Variants in CD226 observed in about 807,000 individuals in gnomAD.
CD226 encodes the protein CD226 antigen.
CD226 carries 24 observed loss-of-function variants against 34.9 expected under a neutral mutation model. The ratio of observed to expected loss-of-function variants is 0.69; its 90% CI spans 0.50 to 0.97. CD226 has a LOEUF of 0.97. CD226 is among the 50% of genes least tolerant of loss of function. The probability of loss-of-function intolerance (pLI) is 0.00; values close to 1 mark genes in which losing one functional copy is unlikely to be tolerated. For synonymous variants in CD226, 148 were observed against 147.4 expected, an observed-to-expected ratio of 1.00 and a Z score of -0.03; for missense variants, 397 against 412.7, an observed-to-expected ratio of 0.96 and a Z score of 0.33.
chr18:69,949,864 ACT>A (rs566479053), upstream of CD226, among the ~76,000 whole-genome samples: 126 of 151,490 alleles, frequency 8.3e-4, no homozygotes, highest in Admixed American at 1.4e-3. Context: ...ACACGTTATC[ACT>A]CACATATGCA....
chr18:69,938,280 C>G (rs541168454), intron 2 of CD226, among the ~76,000 whole-genome samples: 1 of 152,294 alleles, frequency 6.6e-6, no homozygotes, highest in African/African-American at 2.4e-5. Context: ...TTCACCTGTT[C>G]ACTTTCCTCT....
At chr18:69,960,782 G>A (rs1688303346), upstream of CD226, among the ~76,000 whole-genome samples, 1 of 152,058 alleles carries the variant, frequency 6.6e-6, no homozygotes, top group African/African-American at 2.4e-5. Context: ...TCCTTTCCTG[G>A]GAAAGACTTA....
chr18:69,902,897 A>G (rs1373737560), intron 2 of CD226, among the ~76,000 whole-genome samples: 3 of 152,108 alleles, frequency 2.0e-5, no homozygotes, highest in Non-Finnish European at 4.4e-5. Flanking sequence ...TGCCTAGACT[A>G]TGAATATGCT....
chr18:69,915,504 C>A (rs189273108), intron 2 of CD226, among the ~76,000 whole-genome samples: 1 of 152,274 alleles, frequency 6.6e-6, no homozygotes, highest in Admixed American at 6.5e-5. Context: ...GAAGCTAGGT[C>A]AGAAAGAACT....
rs779418816 is a variant in CD226, at chr18:69,946,857, C to G, written c.259G>C (p.Ala87Pro). 1.2e-6 allele frequency: 2 copies of G among 1,613,982 alleles called. No homozygotes were observed. The highest frequency in any genetic ancestry group is 1.7e-6 in the Non-Finnish European group (2 of 1,180,002). The change falls in exon 2 of 6, where the codon GCT becomes CCT. Residue 87 changes from alanine to proline, a missense_variant. Physicochemically the swap from Ala to Pro is conservative, Grantham distance 27. Coordinates refer to ENST00000582621, the MANE Select transcript of CD226 (RefSeq NM_001303618.2). ...ERVYFLNSTMASNNMTLFFRN... is the reference protein window; with the variant it reads ...ERVYFLNSTMPSNNMTLFFRN... The stretch of plus-strand genomic sequence containing the variant: ...AAGAAAAGAGTCATGTTATTGGAAG[C>G]CATCGTTGAATTCAAAAAGTAAACC...
chr18:69,910,668 G>A (rs1462465969), intron 2 of CD226, among the ~76,000 whole-genome samples: 1 of 152,106 alleles, frequency 6.6e-6, no homozygotes, highest in Non-Finnish European at 1.5e-5. Flanking sequence ...CTGAGTTAAC[G>A]GTAGTATACT....
chr18:69,924,934 C>G (rs2055503215), intron 2 of CD226, among the ~76,000 whole-genome samples: 1 of 152,156 alleles, frequency 6.6e-6, no homozygotes, highest in African/African-American at 2.4e-5. Context: ...AACAAGGACA[C>G]TAAAGGGATT....
chr18:69,944,717 T>G (rs915735308), intron 2 of CD226: 4 of 152,238 alleles, frequency 2.6e-5, no homozygotes, highest in African/African-American at 9.6e-5. Flanking sequence ...TTTGCCAATC[T>G]TCTACTTCGC....
At chr18:69,950,971 T>TTGTGTGTG (rs57098005), upstream of CD226, among the ~76,000 whole-genome samples, 2,134 of 132,638 alleles carry the variant, frequency 0.016, 66 homozygotes, top group African/African-American at 0.058. Flanking sequence ...AACTATGATT[T>TTGTGTGTG]TGTGTGTGTG....
At chr18:69,948,626 G>A (rs1394024130), upstream of CD226, among the ~76,000 whole-genome samples, 1 of 152,122 alleles carries the variant, frequency 6.6e-6, no homozygotes, top group Non-Finnish European at 1.5e-5. Context: ...ATCAAGCATG[G>A]TGTCACCTTG....
intron 3 of CD226, among the ~76,000 whole-genome samples, chr18:69,885,346 T>C (rs1299334276): frequency 6.6e-6 from 1 of 152,230 alleles, no homozygotes; most frequent in African/African-American, 2.4e-5. Context: ...AAGCCCTCAC[T>C]GTCCCTAAGG....
chr18:69,943,676 A>G (rs1350970320), intron 2 of CD226, among the ~76,000 whole-genome samples: 1 of 152,162 alleles, frequency 6.6e-6, no homozygotes, highest in Non-Finnish European at 1.5e-5. Flanking sequence ...CAGTTACATC[A>G]ATTTGCAACT....
chr18:69,890,645 G>C (rs1984840321), intron 3 of CD226, among the ~76,000 whole-genome samples: 1 of 152,134 alleles, frequency 6.6e-6, no homozygotes, highest in South Asian at 2.1e-4. Context: ...GAAAGCAAAT[G>C]TGATGGAAAC....
In CD226 at chr18:69,863,936, TGA is replaced by T. The variant is rs1982970805; in HGVS notation, c.*376_*377del. The T allele has an allele frequency of 6.3e-6, 1 of 158,266 alleles. No individual in the cohort carries two copies. The highest frequency in any genetic ancestry group is 2.4e-5 in the African/African-American group (1 of 41,706). The allele number at this position is 158,266 out of a possible 1,614,324, so 9.8% of individuals were successfully genotyped here. On this transcript the variant is annotated 3_prime_UTR_variant, in exon 6 of 6. Transcript: ENST00000582621. ...TGCCAACACAAGAGGAAAGCCTGCA[TGA>T]GAGTGAGGCCAAGACCAGGGAAATG...
chr18:69,867,572 T>C (rs1983230382), intron 4 of CD226, among the ~76,000 whole-genome samples, 161 bp from the exon 5 acceptor site: 2 of 152,224 alleles, frequency 1.3e-5, no homozygotes, highest in South Asian at 4.1e-4. Flanking sequence ...CCCTACAGTT[T>C]TTTTCATTTT....
chr18:69,946,736 G>C lies in CD226; in HGVS notation c.380C>G (p.Ser127Ter). ...AAAAAAAAAAAACTTGCCCTTACCTGACTGAACCACCTGTATCACCTTCTG... is the reference window on the plus strand; with the variant it reads ...AAAAAAAAAAAACTTGCCCTTACCTCACTGAACCACCTGTATCACCTTCTG... ...TWQKVIQVVQSDSFEAAVPSN... is the reference protein window; with the variant it reads ...TWQKVIQVVQ Residue 127 changes from serine (S) to a stop codon, truncating the protein, a stop_gained and splice_region_variant, in exon 2 of 6, where the codon TCA becomes TGA. Coordinates refer to ENST00000582621, the MANE Select transcript of CD226 (RefSeq NM_001303618.2). LOFTEE classifies it high-confidence loss of function. The C allele has an allele frequency of 6.2e-7, 1 of 1,600,484 alleles. No individual in the cohort carries two copies. The highest frequency in any genetic ancestry group is 1.1e-5 in the South Asian group (1 of 89,446).
intron 2 of CD226, among the ~76,000 whole-genome samples, chr18:69,944,287 T>C (rs1028542607): frequency 6.6e-6 from 1 of 152,120 alleles, no homozygotes; most frequent in Non-Finnish European, 1.5e-5. Flanking sequence ...TCATGAAGAA[T>C]TCAAACTAGA....
chr18:69,904,881 G>A (rs1157043095), intron 2 of CD226, among the ~76,000 whole-genome samples: 2 of 152,170 alleles, frequency 1.3e-5, no homozygotes, highest in South Asian at 2.1e-4. Context: ...AAGACATCAA[G>A]AGATTAACAC....
At chr18:69,904,690 T>C (rs2055229900) in intron 2 of CD226, among the ~76,000 whole-genome samples, 1 of 152,144 alleles carries the variant, frequency 6.6e-6, no homozygotes, top group African/African-American at 2.4e-5. Flanking sequence ...ACCAGAAAAA[T>C]TACTGACTAA....
Sources: allele counts gnomAD v4.1 joint callset (sites outside exome capture counted in the v4.1 genomes callset), GRCh38; gene constraint gnomAD v4.1.1; transcripts MANE v1.5; gene names NCBI Gene and HGNC (gene_info 2026-07-23, HGNC 2026-07-21).